RASSF2: variants seen among roughly 807,000 people sequenced by gnomAD.
The protein encoded by RASSF2 is ras association domain-containing protein 2.
A neutral mutation model predicts 46.3 loss-of-function variants in RASSF2; 34 were observed. The observed-to-expected ratio is 0.73, with a 90% CI of 0.56 to 0.98. The LOEUF (loss-of-function observed/expected upper bound fraction) is 0.98. Among genes scored for constraint, RASSF2 ranks in the 50% least tolerant of loss-of-function variants. RASSF2 has a pLI of 0.00. For missense variants in RASSF2, 364 were observed against 431.2 expected, an observed-to-expected ratio of 0.84 and a Z score of 1.38; for synonymous variants, 158 against 162.5, an observed-to-expected ratio of 0.97 and a Z score of 0.21.
chr20:4,790,641 C>A lies in RASSF2; in HGVS notation c.377-30G>T. 6.7e-7 allele frequency: 1 copy of A among 1,503,754 alleles called. No homozygotes were observed. The highest frequency in any genetic ancestry group is 1.4e-5 in the South Asian group (1 of 72,232). 93.2% of individuals were successfully genotyped at this position (1,503,754 alleles called of 1,614,324 possible). On this transcript the variant is annotated intron_variant, in intron 6 of 11. Coordinates refer to ENST00000379400, the MANE Select transcript of RASSF2 (RefSeq NM_014737.3). The surrounding 1 kb of genome is among the most constrained non-coding windows in gnomAD (Gnocchi z 4.3). ...GAGAGGAGAGGGAAATGAACTCTGT[C>A]TGTCTGGACCTGGGACATGGCACAT... is the stretch of plus-strand genomic sequence containing the variant.
rs1924998507 is a variant in RASSF2 at position 4,783,293 on chromosome 20, G to A, written c.*980C>T. On this transcript the variant is annotated 3_prime_UTR_variant, in exon 12 of 12. Transcript: ENST00000379400. ...GTTCAAGGCACCTGTCATATCTGCA[G>A]GTAGCCTCGACATTTCCCTTCAACC... 1 of 152,310 alleles carries A rather than the reference G, an allele frequency of 6.6e-6. No homozygotes were observed. Among genetic ancestry groups the A allele is most frequent in the South Asian group, 2.1e-4 (1 of 4,836 alleles). The allele number at this position is 152,310 out of a possible 1,614,324, so 9.4% of individuals were successfully genotyped here. A position where few individuals can be genotyped will look rare whatever the true frequency, so the allele number is the denominator to read the frequency against.
At chr20:4,809,038 G>A (rs904120923) in intron 2 of RASSF2, among the ~76,000 whole-genome samples, 2 of 152,218 alleles carry the variant, frequency 1.3e-5, no homozygotes, top group African/African-American at 4.8e-5. Context: ...TGTCATGCTG[G>A]AACCCTGTTG....
chr20:4,793,341 A>G (rs1019141988), intron 5 of RASSF2, among the ~76,000 whole-genome samples: 1 of 152,218 alleles, frequency 6.6e-6, no homozygotes, highest in Non-Finnish European at 1.5e-5. Flanking sequence ...GCTAGAAAGG[A>G]GAATCATATT....
At chr20:4,820,463 T>C (rs775630914) in intron 2 of RASSF2, among the ~76,000 whole-genome samples, 1 of 152,038 alleles carries the variant, frequency 6.6e-6, no homozygotes, top group African/African-American at 2.4e-5. Flanking sequence ...TGAGCCATGA[T>C]TGCACCACTG....
intron 5 of RASSF2, among the ~76,000 whole-genome samples, chr20:4,794,846 C>T (rs1054568413): frequency 1.3e-5 from 2 of 152,208 alleles, no homozygotes; most frequent in Non-Finnish European, 2.9e-5. Flanking sequence ...CTTAAATCCC[C>T]TTGGAAAGAA....
rs1925798100 is a variant in RASSF2 at position 4,790,635 on chromosome 20, CTCTG to C, written c.377-28_377-25del. On this transcript the variant is annotated intron_variant, in intron 6 of 11. Transcript: ENST00000379400. The surrounding 1 kb of genome is among the most constrained non-coding windows in gnomAD (Gnocchi z 4.3). ...GTCTGAGAGAGGAGAGGGAAATGAA[CTCTG>C]TCTGTCTGGACCTGGGACATGGCAC... The C allele has an allele frequency of 6.6e-7, 1 of 1,510,326 alleles. No individual in the cohort carries two copies. Among genetic ancestry groups the C allele is most frequent in the Non-Finnish European group, 8.8e-7 (1 of 1,141,554 alleles). 93.6% of individuals were successfully genotyped at this position (1,510,326 alleles called of 1,614,324 possible). A position where few individuals can be genotyped will look rare whatever the true frequency, so the allele number is the denominator to read the frequency against.
intron 4 of RASSF2, among the ~76,000 whole-genome samples, chr20:4,796,431 G>C (rs1223497895): frequency 7.9e-5 from 12 of 152,204 alleles, no homozygotes; most frequent in Admixed American, 2.6e-4. Context: ...AGCAACATTT[G>C]CCGAAGTTTA....
At chr20:4,802,909 T>C (rs1337310072) in intron 2 of RASSF2, among the ~76,000 whole-genome samples, 1 of 94,726 alleles carries the variant, frequency 1.1e-5, no homozygotes, top group Non-Finnish European at 2.2e-5. Flanking sequence ...TATATATATA[T>C]ATATATTTTT....
intron 2 of RASSF2, among the ~76,000 whole-genome samples, chr20:4,813,448 G>A (rs1481708532): frequency 1.3e-5 from 2 of 152,202 alleles, no homozygotes; most frequent in Admixed American, 6.5e-5. Context: ...GACTCCTGCC[G>A]GAAAGGCCTG....
intron 2 of RASSF2, among the ~76,000 whole-genome samples, chr20:4,810,726 G>C (rs1927718164): frequency 6.6e-6 from 1 of 152,180 alleles, no homozygotes; most frequent in Admixed American, 6.5e-5. Context: ...TTGTAGAGCA[G>C]GGGCCAGGCC....
At chr20:4,799,751 CAT>C (rs370704674) in intron 3 of RASSF2, among the ~76,000 whole-genome samples, 15 of 152,234 alleles carry the variant, frequency 9.9e-5, no homozygotes, top group African/African-American at 3.6e-4. Flanking sequence ...TGTCACAAAA[CAT>C]GTGTCAAGTG....
intron 2 of RASSF2, among the ~76,000 whole-genome samples, chr20:4,811,736 T>C (rs1011717761): frequency 2.6e-5 from 4 of 152,156 alleles, no homozygotes; most frequent in African/African-American, 9.7e-5. Context: ...CAGGGCACCA[T>C]GTCACAGAAG....
intron 2 of RASSF2, among the ~76,000 whole-genome samples, chr20:4,819,825 A>C (rs1338766772): frequency 6.6e-6 from 1 of 152,182 alleles, no homozygotes; most frequent in African/African-American, 2.4e-5. Context: ...TTTCTCTGCC[A>C]ATTTTCACCA....
chr20:4,787,529 GC>G, intron 10 of RASSF2, 103 bp downstream of exon 10: 1 of 1,416,172 alleles, frequency 7.1e-7, no homozygotes, highest in Non-Finnish European at 9.8e-7. Flanking sequence ...GTAAAAGGGG[GC>G]ATGGTCGTTG....
intron 11 of RASSF2, 70 bp downstream of exon 11, chr20:4,786,161 G>C: frequency 1.6e-6 from 2 of 1,276,310 alleles, no homozygotes; most frequent in Non-Finnish European, 2.3e-6. Context: ...GTCCCTGCGA[G>C]GACCCAGCAG....
At chr20:4,814,749 G>A (rs76222887) in intron 2 of RASSF2, among the ~76,000 whole-genome samples, 11 of 152,278 alleles carry the variant, frequency 7.2e-5, no homozygotes, top group East Asian at 5.8e-4. Context: ...GAAATTCCCC[G>A]CTCACTGCAG....
At chr20:4,792,394 G>A in intron 6 of RASSF2, 145 bp downstream of exon 6, 1 of 1,497,128 alleles carries the variant, frequency 6.7e-7, no homozygotes, top group South Asian at 1.2e-5. Context: ...GTGGGTGGAT[G>A]AGGTGGGTGA....
At chr20:4,799,981 G>A (rs370444950) in intron 3 of RASSF2, among the ~76,000 whole-genome samples, 11 of 152,210 alleles carry the variant, frequency 7.2e-5, no homozygotes, top group Admixed American at 2.6e-4. Context: ...GTGTGGTGGC[G>A]CATGCCTGTA....
rs767163703 is a variant in RASSF2, at chr20:4,789,606, T to G, written c.629A>C (p.Asn210Thr). ...GCAAAGGGAACTTGCCTTAAATTTG[T>G]TGAGCAGCAGCTTCAGGACCTGTGG... is the stretch of plus-strand genomic sequence containing the variant. ...TTPQVLKLLL[N>T]KFKIENSAEE... is the part of the protein sequence containing the mutation. Residue 210 changes from asparagine to threonine, a missense_variant, in exon 8 of 12, where the codon AAC becomes ACC. By Grantham distance (65) the Asn-to-Thr change is moderately conservative (BLOSUM62 0). Transcript: ENST00000379400. 1.2e-6 allele frequency: 2 copies of G among 1,614,096 alleles called. No individual in the cohort carries two copies. Among genetic ancestry groups the G allele is most frequent in the South Asian group, 2.2e-5 (2 of 91,082 alleles).
Sources: allele counts gnomAD v4.1 joint callset (sites outside exome capture counted in the v4.1 genomes callset), GRCh38; gene constraint gnomAD v4.1.1; non-coding constraint Gnocchi (gnomAD v3.1); transcripts MANE v1.5; gene names NCBI Gene and HGNC (gene_info 2026-07-23, HGNC 2026-07-21).